PCDHA5: variants seen among roughly 807,000 people sequenced by gnomAD.
The protein encoded by PCDHA5 is protocadherin alpha-5.
Under a neutral mutation model 61.6 loss-of-function variants are expected in PCDHA5, and 43 were observed. The observed-to-expected ratio is 0.70, with a 90% CI of 0.55 to 0.90. The LOEUF is 0.90. Ranked by LOEUF, PCDHA5 falls within the 40% of genes least tolerant of loss-of-function variation. The pLI is 0.00. For synonymous variants in PCDHA5, 627 were observed against 543.9 expected, an observed-to-expected ratio of 1.15 and a Z score of -2.13; for missense variants, 1,298 against 1,222.7, an observed-to-expected ratio of 1.06 and a Z score of -0.92.
intron 1 of PCDHA5, chr5:140,841,275 A>G: frequency 6.5e-7 from 1 of 1,534,690 alleles, no homozygotes; most frequent in Non-Finnish European, 8.8e-7. Context: ...ACAGTCGTTC[A>G]TCTTTATATT....
At chr5:140,958,498 G>A (rs2095427243) in intron 1 of PCDHA5, among the ~76,000 whole-genome samples, 1 of 152,020 alleles carries the variant, frequency 6.6e-6, no homozygotes, top group African/African-American at 2.4e-5. Context: ...ACATATCCTA[G>A]GAGGCATGGC....
At chr5:140,976,782 A>G (rs1209900673) in intron 1 of PCDHA5, among the ~76,000 whole-genome samples, 1 of 152,212 alleles carries the variant, frequency 6.6e-6, no homozygotes, top group African/African-American at 2.4e-5. Flanking sequence ...CTGACTATAT[A>G]GCTACGCTTT....
chr5:140,927,611 C>T, intron 1 of PCDHA5: 1 of 1,614,164 alleles, frequency 6.2e-7, no homozygotes, highest in Admixed American at 1.7e-5. Context: ...GTATACCGCA[C>T]CAAGGTTCCA....
In PCDHA5 at chr5:140,822,696, G is replaced by A. The variant is rs2150118685; in HGVS notation, c.921G>A (p.Leu307=). ...NTGEIKVNGE[L]DYEDYNSYEI... ...GTGAAATAAAAGTTAACGGGGAACT[G>A]GATTATGAAGACTATAACTCATATG... Residue 307 remains leucine, a synonymous_variant, in exon 1 of 4, where the codon CTG becomes CTA. Coordinates refer to ENST00000529859, the MANE Select transcript of PCDHA5 (RefSeq NM_018908.3). 6.2e-7 allele frequency: 1 copy of A among 1,610,120 alleles called. No individual in the cohort carries two copies. Among genetic ancestry groups the A allele is most frequent in the Non-Finnish European group, 8.5e-7 (1 of 1,176,634 alleles).
chr5:141,004,124 C>T (rs1225012224), intron 3 of PCDHA5, among the ~76,000 whole-genome samples: 1 of 152,202 alleles, frequency 6.6e-6, no homozygotes, highest in Non-Finnish European at 1.5e-5. Context: ...GGAGTATCTC[C>T]ATGATTCTGC....
intron 1 of PCDHA5, among the ~76,000 whole-genome samples, chr5:140,906,185 A>G (rs574875890): frequency 2.8e-4 from 43 of 152,270 alleles, no homozygotes; most frequent in African/African-American, 1.0e-3. Flanking sequence ...GCATCCTTCA[A>G]TCCAATCAAG....
intron 1 of PCDHA5, among the ~76,000 whole-genome samples, chr5:140,920,858 A>G (rs1182817298): frequency 6.6e-6 from 1 of 151,604 alleles, no homozygotes; most frequent in Non-Finnish European, 1.5e-5. Flanking sequence ...AAAAAAAAAA[A>G]CAAACAAACT....
At chr5:140,871,204 A>G in intron 1 of PCDHA5, 1 of 1,613,764 alleles carries the variant, frequency 6.2e-7, no homozygotes, top group Non-Finnish European at 8.5e-7. Context: ...GTACCTGATC[A>G]TCGCCATCTG....
chr5:140,982,943 A>G (rs2097017074), intron 3 of PCDHA5, among the ~76,000 whole-genome samples: 1 of 151,992 alleles, frequency 6.6e-6, no homozygotes, highest in Admixed American at 6.5e-5. Flanking sequence ...CTTTTGGTTG[A>G]AGACTATGGA....
chr5:140,991,534 T>C (rs1393603513), intron 3 of PCDHA5, among the ~76,000 whole-genome samples: 1 of 152,236 alleles, frequency 6.6e-6, no homozygotes, highest in African/African-American at 2.4e-5. Context: ...CTTGCCACTA[T>C]ATAACAAGGA....
At chr5:140,985,047 C>T (rs1417890181) in intron 3 of PCDHA5, among the ~76,000 whole-genome samples, 5 of 152,076 alleles carry the variant, frequency 3.3e-5, no homozygotes, top group African/African-American at 9.7e-5. Context: ...AAGTGATTCT[C>T]CTGCCTCAGC....
At chr5:140,943,854 CAAG>C (rs1298449902) in intron 1 of PCDHA5, among the ~76,000 whole-genome samples, 7 of 152,158 alleles carry the variant, frequency 4.6e-5, no homozygotes, top group African/African-American at 1.7e-4. Flanking sequence ...TCACAGAAGT[CAAG>C]AAGAGGTCTC....
chr5:140,996,837 G>A (rs1382866699), intron 3 of PCDHA5, among the ~76,000 whole-genome samples: 7 of 151,992 alleles, frequency 4.6e-5, no homozygotes, highest in African/African-American at 7.3e-5. Flanking sequence ...ATAATTTAGC[G>A]TGCATCTTCA....
chr5:141,011,190 T>C lies in PCDHA5; in HGVS notation c.*1253T>C, dbSNP rs1321258440. On this transcript the variant is annotated 3_prime_UTR_variant, in exon 4 of 4. Coordinates refer to ENST00000529859, the MANE Select transcript of PCDHA5 (RefSeq NM_018908.3). Reference sequence around the variant, plus strand: ...AAGACCCAAAAATTGAAGAAAAATATTGTTTTCTCATACAGTGAGCAGATT... The same window carrying C: ...AAGACCCAAAAATTGAAGAAAAATACTGTTTTCTCATACAGTGAGCAGATT... The C allele has an allele frequency of 1.3e-5, 2 of 153,748 alleles. No individual in the cohort carries two copies. The highest frequency in any genetic ancestry group is 1.9e-4 in the East Asian group (1 of 5,200). The allele number at this position is 153,748 out of a possible 1,614,324, so 9.5% of individuals were successfully genotyped here. A position where few individuals can be genotyped will look rare whatever the true frequency, so the allele number is the denominator to read the frequency against.
chr5:140,943,435 A>G (rs941814689), intron 1 of PCDHA5, among the ~76,000 whole-genome samples: 2 of 152,148 alleles, frequency 1.3e-5, no homozygotes, highest in African/African-American at 4.8e-5. Flanking sequence ...AATATGATAT[A>G]AAGGATAGAA....
chr5:140,848,904 CAA>C, intron 1 of PCDHA5: 1 of 1,608,060 alleles, frequency 6.2e-7, no homozygotes. Flanking sequence ...CCCAGCGACA[CAA>C]AAGAATCTGT....
intron 1 of PCDHA5, chr5:140,882,617 T>TA: frequency 6.2e-7 from 1 of 1,614,218 alleles, no homozygotes; most frequent in Non-Finnish European, 8.5e-7. Context: ...TCTGCAGGTT[T>TA]TCCATGTGGA....
intron 1 of PCDHA5, among the ~76,000 whole-genome samples, chr5:140,936,138 C>G (rs1396548448): frequency 6.6e-6 from 1 of 152,074 alleles, no homozygotes; most frequent in African/African-American, 2.4e-5. Context: ...AGTGATCTGC[C>G]CGCCTTGGCC....
At chr5:140,840,408 T>G (rs1310565539) in intron 1 of PCDHA5, among the ~76,000 whole-genome samples, 6 of 151,960 alleles carry the variant, frequency 3.9e-5, no homozygotes, top group Admixed American at 2.0e-4. Context: ...TTAAGAATAC[T>G]TCAAATAATA....
Sources: allele counts gnomAD v4.1 joint callset (sites outside exome capture counted in the v4.1 genomes callset), GRCh38; gene constraint gnomAD v4.1.1; transcripts MANE v1.5; gene names NCBI Gene and HGNC (gene_info 2026-07-23, HGNC 2026-07-21).